Variants in DDHD2 observed in about 807,000 individuals in gnomAD.
DDHD2 encodes triacylglycerol hydrolase DDHD2.
DDHD2 carries 62 observed loss-of-function variants against 91.2 expected under a neutral mutation model. That is an observed-to-expected ratio of 0.68 (90% confidence interval 0.55 to 0.84). The LOEUF is 0.84. DDHD2 is among the 40% of genes least tolerant of loss of function. DDHD2 has a pLI of 0.00. For missense variants in DDHD2, 740 were observed against 846.9 expected, an observed-to-expected ratio of 0.87 and a Z score of 1.57; for synonymous variants, 271 against 293.9, an observed-to-expected ratio of 0.92 and a Z score of 0.80.
chr8:38,233,936 A>T (rs558909150), intron 2 of DDHD2, among the ~76,000 whole-genome samples: 5 of 151,818 alleles, frequency 3.3e-5, no homozygotes, highest in Non-Finnish European at 7.4e-5. Flanking sequence ...TCAAAAAAAA[A>T]AAAAGAAAAG....
At chr8:38,258,093 C>T (rs538540127) in intron 16 of DDHD2, among the ~76,000 whole-genome samples, 2 of 152,234 alleles carry the variant, frequency 1.3e-5, no homozygotes, top group South Asian at 2.1e-4. Flanking sequence ...GCCTTGGCCT[C>T]CTGAGTAGTT....
In DDHD2 at chr8:38,238,188, A is replaced by C; in HGVS notation, c.601A>C (p.Ile201Leu). 6.2e-7 allele frequency: 1 copy of C among 1,613,736 alleles called. No individual in the cohort carries two copies. The highest frequency in any genetic ancestry group is 8.5e-7 in the Non-Finnish European group (1 of 1,179,638). The change falls in exon 5 of 18, where the codon ATC (isoleucine) becomes CTC (leucine). Residue 201 changes from isoleucine (I) to leucine (L), a missense_variant. Coordinates refer to ENST00000397166, the MANE Select transcript of DDHD2 (RefSeq NM_015214.3). ...PRTVKRGVEN[I>L]SVDIHCGEPL... Reference sequence around the variant, plus strand: ...AACTGTGAAGAGAGGAGTTGAGAACATCTCTGTTGACATTCATTGTGGTAA... The same window carrying C: ...AACTGTGAAGAGAGGAGTTGAGAACCTCTCTGTTGACATTCATTGTGGTAA...
chr8:38,253,760 T>G (rs776757356), intron 16 of DDHD2, 42 bp downstream of exon 16: 2 of 1,586,314 alleles, frequency 1.3e-6, no homozygotes, highest in South Asian at 2.2e-5. Flanking sequence ...TGTTTACCTG[T>G]TTCATAGATA....
intron 1 of DDHD2, chr8:38,267,885 G>A (rs746054374): frequency 3.7e-5 from 60 of 1,613,786 alleles, no homozygotes; most frequent in Non-Finnish European, 5.1e-5. Context: ...GTGGTTAGCT[G>A]TTGTCACTTA....
At chr8:38,260,410 T>G (rs1806920484) in intron 17 of DDHD2, among the ~76,000 whole-genome samples, 190 bp from the exon 18 acceptor site, 1 of 152,008 alleles carries the variant, frequency 6.6e-6, no homozygotes, top group Non-Finnish European at 1.5e-5. Context: ...AAACTCAGAG[T>G]TTTAATGGTT....
chr8:38,245,431 CAAAAAAAAAA>C (rs921954707), intron 7 of DDHD2, among the ~76,000 whole-genome samples: 1 of 109,610 alleles, frequency 9.1e-6, no homozygotes, highest in Non-Finnish European at 1.9e-5. Flanking sequence ...GAGTCTGTCT[CAAAAAAAAAA>C]AAAAAGAAAA....
chr8:38,234,512 T>TA lies in DDHD2; in HGVS notation c.340dup (p.Thr114AsnfsTer11). On this transcript the variant is annotated frameshift_variant, in exon 3 of 18. Coordinates refer to ENST00000397166, the MANE Select transcript of DDHD2 (RefSeq NM_015214.3). LOFTEE classifies it high-confidence loss of function. ...AACTGGCATCGGAAGTGAGACGATGTACGTGGTTTTACAAGGGGGACAAAG... is the reference window on the plus strand; with the variant it reads ...AACTGGCATCGGAAGTGAGACGATGTAACGTGGTTTTACAAGGGGGACAAAG... 1.2e-6 allele frequency: 2 copies of TA among 1,613,374 alleles called. No individual in the cohort carries two copies. Among genetic ancestry groups the TA allele is most frequent in the Non-Finnish European group, 1.7e-6 (2 of 1,179,928 alleles).
chr8:38,233,480 AATTAT>A (rs924619482), intron 2 of DDHD2, among the ~76,000 whole-genome samples: 2 of 151,896 alleles, frequency 1.3e-5, no homozygotes, highest in African/African-American at 4.8e-5. Context: ...TTGGGGGCCT[AATTAT>A]ATTGTCTAGG....
downstream of DDHD2, chr8:38,267,588 A>C (rs1441754415): frequency 1.5e-6 from 1 of 668,204 alleles, no homozygotes; most frequent in Non-Finnish European, 2.5e-6. Flanking sequence ...AAAAACGCCC[A>C]TTCCAGCACA....
At position 38,258,385 on chromosome 8, in the gene DDHD2, C is replaced by T. The variant is rs183595260; in HGVS notation, c.2055-1655C>T. On this transcript the variant is annotated intron_variant, in intron 16 of 17. Coordinates refer to ENST00000397166, the MANE Select transcript of DDHD2 (RefSeq NM_015214.3). ...TTCCTGCCTCAGCTTCTTGAGTAGC[C>T]GGGACTATAGGCATGTGCCACCATG... Among the ~76,000 whole-genome samples the T allele has an allele frequency of 1.6e-4, 24 of 151,650 alleles. 1 individual carries two copies. The highest frequency in any genetic ancestry group is 5.3e-4 in the African/African-American group (22 of 41,358).
Position 38,237,647 on chromosome 8 carries a change from T to G in DDHD2, c.501+20T>G. 1 of 1,417,636 alleles carries G rather than the reference T, an allele frequency of 7.1e-7. No homozygotes were observed. Among genetic ancestry groups the G allele is most frequent in the Non-Finnish European group, 9.7e-7 (1 of 1,029,656 alleles). 87.8% of individuals were successfully genotyped at this position (1,417,636 alleles called of 1,614,324 possible). A position where few individuals can be genotyped will look rare whatever the true frequency, so the allele number is the denominator to read the frequency against. The stretch of plus-strand genomic sequence containing the variant: ...CCAAAGGTAAAACAAAGCATTTCTC[T>G]TGTCGGGATAAAAAGTTAATTGCGC... On this transcript the variant is annotated intron_variant, in intron 4 of 17. Transcript: ENST00000397166.
chr8:38,238,508 T>C (rs1804982650), intron 5 of DDHD2: 1 of 1,108,146 alleles, frequency 9.0e-7, no homozygotes, highest in African/African-American at 1.7e-5. Context: ...CCTACTTGAC[T>C]AGAAATTTAT....
chr8:38,273,643 T>TA (rs1187469609), downstream of DDHD2: 8 of 152,368 alleles, frequency 5.3e-5, no homozygotes, highest in African/African-American at 1.9e-4. Context: ...TTTAGTATGA[T>TA]AAAACCTAGC....
downstream of DDHD2, chr8:38,267,718 G>T: frequency 1.5e-6 from 1 of 688,312 alleles, no homozygotes; most frequent in Middle Eastern, 2.9e-4. Flanking sequence ...AAGAGCCCAG[G>T]TGTCACCTGG....
downstream of DDHD2, chr8:38,263,877 C>G: frequency 1.0e-6 from 1 of 985,290 alleles, no homozygotes; most frequent in Non-Finnish European, 1.2e-6. Context: ...TGTAGATCTT[C>G]AGATATTAAT....
Position 38,238,159 on chromosome 8 carries a change from CA to C in DDHD2, c.574del (p.Arg192GlufsTer3), listed in dbSNP as rs1194225104. 1 of 1,613,960 alleles carries C rather than the reference CA, an allele frequency of 6.2e-7. No individual in the cohort carries two copies. Among genetic ancestry groups the C allele is most frequent in the Non-Finnish European group, 8.5e-7 (1 of 1,180,006 alleles). Reference sequence around the variant, plus strand: ...TCAACACCCACGGAGCAGGGTCGACCAAGAACTGTGAAGAGAGGAGTTGAGA... The same window carrying C: ...TCAACACCCACGGAGCAGGGTCGACCAGAACTGTGAAGAGAGGAGTTGAGA... ...WGSTPTEQGRPRTVKRGVENI... is the reference protein window; with the variant it reads ...WGSTPTEQGRXRTVKRGVENI... On this transcript the variant is annotated frameshift_variant, in exon 5 of 18. Transcript: ENST00000397166. LOFTEE classifies it high-confidence loss of function.
rs761170544 is a variant in DDHD2, at chr8:38,269,130, A to G, written n.88-1992A>G. The G allele has an allele frequency of 2.0e-6, 3 of 1,522,124 alleles. No homozygotes were observed. In the South Asian group the frequency reaches 3.6e-5, roughly 18 times the overall value. 94.3% of individuals were successfully genotyped at this position (1,522,124 alleles called of 1,614,324 possible). On this transcript the variant is annotated intron_variant and non_coding_transcript_variant, in intron 1 of 1. Transcript: ENST00000526071. Reference sequence around the variant, plus strand: ...CCGGCCGTGGATCTTTCTTACAGGAAGGCCGCGAACAGCGCGAGCCGCACG... The same window carrying G: ...CCGGCCGTGGATCTTTCTTACAGGAGGGCCGCGAACAGCGCGAGCCGCACG...
intron 7 of DDHD2, among the ~76,000 whole-genome samples, chr8:38,244,418 A>G (rs1015795516): frequency 2.8e-5 from 4 of 144,464 alleles, no homozygotes; most frequent in Non-Finnish European, 6.0e-5. Flanking sequence ...ATGCGCCACA[A>G]TGCCCAGCTA....
At chr8:38,268,568 GGTCTCT>G in intron 1 of DDHD2, 1 of 1,479,782 alleles carries the variant, frequency 6.8e-7, no homozygotes, top group Non-Finnish European at 9.0e-7. Flanking sequence ...GCTAACATAA[GGTCTCT>G]GAGTGCGCGT....
Sources: allele counts gnomAD v4.1 joint callset (sites outside exome capture counted in the v4.1 genomes callset), GRCh38; gene constraint gnomAD v4.1.1; transcripts MANE v1.5; gene names NCBI Gene and HGNC (gene_info 2026-07-23, HGNC 2026-07-21).